DPYD: variants seen among roughly 807,000 people sequenced by gnomAD.
DPYD encodes dihydropyrimidine dehydrogenase.
Under a neutral mutation model 116.2 loss-of-function variants are expected in DPYD, and 109 were observed. That is an observed-to-expected ratio of 0.94 (90% CI 0.80 to 1.10). The LOEUF (loss-of-function observed/expected upper bound fraction) is 1.10, where lower values mean the gene tolerates loss of function less well. Ranked by LOEUF, DPYD falls within the 50% of genes least tolerant of loss-of-function variation. DPYD has a pLI of 0.00. For missense variants in DPYD, 1,302 were observed against 1,254.5 expected (o/e 1.04, Z -0.57); for synonymous variants, 440 against 432.0 (o/e 1.02, Z -0.23).
chr1:97,596,589 C>T (rs915609505), intron 8 of DPYD, among the ~76,000 whole-genome samples: 3 of 152,066 alleles, frequency 2.0e-5, no homozygotes, highest in Admixed American at 6.6e-5. Context: ...ATGGGTCATT[C>T]TAGAGAGGCA....
intron 2 of DPYD, among the ~76,000 whole-genome samples, chr1:97,841,928 C>T (rs1024121012): frequency 1.3e-5 from 2 of 151,662 alleles, no homozygotes; most frequent in Non-Finnish European, 2.9e-5. Flanking sequence ...CAGAGTCTGA[C>T]CCATTCTAGA....
At chr1:97,352,290 C>A (rs945775533) in intron 16 of DPYD, among the ~76,000 whole-genome samples, 1 of 152,172 alleles carries the variant, frequency 6.6e-6, no homozygotes, top group African/African-American at 2.4e-5. Flanking sequence ...AAAGATTGAA[C>A]AAAACCTAAA....
chr1:97,208,697 C>A (rs1301222641), intron 19 of DPYD, among the ~76,000 whole-genome samples: 1 of 152,120 alleles, frequency 6.6e-6, no homozygotes, highest in African/African-American at 2.4e-5. Flanking sequence ...ATGGACTAAT[C>A]TTCCGGTTTC....
intron 20 of DPYD, among the ~76,000 whole-genome samples, chr1:97,123,166 T>C (rs1279862832): frequency 2.0e-5 from 3 of 152,150 alleles, no homozygotes; most frequent in Non-Finnish European, 4.4e-5. Flanking sequence ...ATCCTAATGC[T>C]AACCATAACA....
intron 8 of DPYD, among the ~76,000 whole-genome samples, chr1:97,632,103 C>T (rs1311521637): frequency 6.6e-6 from 1 of 151,926 alleles, no homozygotes; most frequent in Non-Finnish European, 1.5e-5. Flanking sequence ...ATGCATTTTC[C>T]CCCCAGCATA....
intron 10 of DPYD, chr1:97,585,834 C>T (rs1379472048): frequency 6.6e-6 from 1 of 152,330 alleles, no homozygotes; most frequent in Non-Finnish European, 1.5e-5. Context: ...TCTCTTCCCA[C>T]TTTCAATTAT....
At chr1:97,554,006 AGACACTCT>A (rs936477177) in intron 11 of DPYD, among the ~76,000 whole-genome samples, 8 of 152,266 alleles carry the variant, frequency 5.3e-5, no homozygotes, top group African/African-American at 1.9e-4. Context: ...TAAAAAACAA[AGACACTCT>A]GAGGTAGCTT....
chr1:97,710,983 A>T (rs1049684044), intron 5 of DPYD, among the ~76,000 whole-genome samples: 2 of 151,892 alleles, frequency 1.3e-5, no homozygotes, highest in Non-Finnish European at 2.9e-5. Context: ...ACTGAAAATT[A>T]AAAGAGTAAT....
intron 8 of DPYD, among the ~76,000 whole-genome samples, chr1:97,606,496 G>C (rs965818882): frequency 6.6e-6 from 1 of 151,906 alleles, no homozygotes; most frequent in African/African-American, 2.4e-5. Flanking sequence ...ATAGAAAAAG[G>C]GGGAGTATAA....
At chr1:97,871,922 T>C (rs538738632) in intron 2 of DPYD, among the ~76,000 whole-genome samples, 38 of 151,896 alleles carry the variant, frequency 2.5e-4, no homozygotes, top group Admixed American at 1.2e-3. Context: ...GTTATATATA[T>C]GCCAACCACG....
At chr1:97,328,061 T>C (rs1028551082) in intron 16 of DPYD, among the ~76,000 whole-genome samples, 2 of 146,622 alleles carry the variant, frequency 1.4e-5, no homozygotes, top group African/African-American at 2.8e-5. Context: ...GGTATTTCAG[T>C]TGATGCACGA....
At chr1:97,289,256 G>T (rs1023106253) in intron 18 of DPYD, among the ~76,000 whole-genome samples, 12 of 151,702 alleles carry the variant, frequency 7.9e-5, no homozygotes, top group Non-Finnish European at 1.6e-4. Flanking sequence ...TCTACCAGAG[G>T]TACAAGGAGG....
chr1:97,717,558 G>A (rs114162182), intron 5 of DPYD, among the ~76,000 whole-genome samples: 4 of 151,908 alleles, frequency 2.6e-5, no homozygotes, highest in Non-Finnish European at 5.9e-5. Flanking sequence ...AGTGTACACT[G>A]TACCCAATGG....
intron 21 of DPYD, among the ~76,000 whole-genome samples, chr1:97,090,649 T>C (rs1649836868): frequency 6.6e-6 from 1 of 152,204 alleles, no homozygotes; most frequent in South Asian, 2.1e-4. Flanking sequence ...TTTGTACATA[T>C]TTGATTGAAC....
chr1:97,453,355 C>G (rs1381134610), intron 13 of DPYD, among the ~76,000 whole-genome samples: 2 of 152,106 alleles, frequency 1.3e-5, no homozygotes, highest in African/African-American at 4.8e-5. Flanking sequence ...TATTTCCTAG[C>G]TAATGAGCCT....
intron 18 of DPYD, among the ~76,000 whole-genome samples, chr1:97,264,545 A>G (rs1359677981): frequency 2.0e-5 from 3 of 152,112 alleles, no homozygotes; most frequent in African/African-American, 7.2e-5. Context: ...TACCGTTTCC[A>G]TTAATCATAT....
At chr1:97,150,814 T>G (rs902851434) in intron 20 of DPYD, among the ~76,000 whole-genome samples, 3 of 152,192 alleles carry the variant, frequency 2.0e-5, no homozygotes, top group Non-Finnish European at 4.4e-5. Flanking sequence ...TAGCTTCAAA[T>G]AGAACTAAGG....
At chr1:97,746,962 C>A (rs1406954421) in intron 3 of DPYD, among the ~76,000 whole-genome samples, 1 of 149,824 alleles carries the variant, frequency 6.7e-6, no homozygotes. Flanking sequence ...TGTTGCTAAA[C>A]GAATGTACTG....
chr1:97,560,211 T>C (rs1207907287), intron 11 of DPYD, among the ~76,000 whole-genome samples: 1 of 152,086 alleles, frequency 6.6e-6, no homozygotes, highest in Non-Finnish European at 1.5e-5. Flanking sequence ...TTTTAAAGTG[T>C]CAGCAAGCAT....
Sources: allele counts gnomAD v4.1 joint callset (sites outside exome capture counted in the v4.1 genomes callset), GRCh38; gene constraint gnomAD v4.1.1; transcripts MANE v1.5; gene names NCBI Gene and HGNC (gene_info 2026-07-23, HGNC 2026-07-21).